ANGPT2: variants seen among roughly 807,000 people sequenced by gnomAD.
The protein encoded by ANGPT2 is angiopoietin-2.
Under a neutral mutation model 62.9 loss-of-function variants are expected in ANGPT2, and 28 were observed. That is an observed-to-expected ratio of 0.44 (90% CI 0.33 to 0.61). The LOEUF (loss-of-function observed/expected upper bound fraction) is 0.61. ANGPT2 is among the 20% of genes least tolerant of loss of function. The pLI is 0.03. For synonymous variants in ANGPT2, 284 were observed against 207.8 expected, an observed-to-expected ratio of 1.37 and a Z score of -3.15; for missense variants, 727 against 594.9, an observed-to-expected ratio of 1.22 and a Z score of -2.31.
chr8:6,539,029 TTG>T (rs34625219), intron 1 of ANGPT2, among the ~76,000 whole-genome samples: 71,123 of 151,358 alleles, frequency 0.47, 18,138 homozygotes, highest in Admixed American at 0.62. Flanking sequence ...AGAGTTGGGC[TTG>T]TGTGTGTGTG....
chr8:6,534,644 A>G (rs972982493), intron 1 of ANGPT2, among the ~76,000 whole-genome samples: 1 of 152,226 alleles, frequency 6.6e-6, no homozygotes, highest in Non-Finnish European at 1.5e-5. Flanking sequence ...AAAAATTTTT[A>G]AAAATTTAAA....
At chr8:6,550,252 T>C (rs950259922) in intron 1 of ANGPT2, among the ~76,000 whole-genome samples, 1 of 152,126 alleles carries the variant, frequency 6.6e-6, no homozygotes, top group African/African-American at 2.4e-5. Context: ...GCGTCACTGA[T>C]GCGCAGCTCA....
At chr8:6,540,426 T>C (rs1821331674) in intron 1 of ANGPT2, among the ~76,000 whole-genome samples, 1 of 152,232 alleles carries the variant, frequency 6.6e-6, no homozygotes, top group Non-Finnish European at 1.5e-5. Context: ...GCATTTCATA[T>C]GCAAAAGGTG....
At chr8:6,506,267 C>G (rs954499359) in intron 8 of ANGPT2, among the ~76,000 whole-genome samples, 1 of 151,904 alleles carries the variant, frequency 6.6e-6, no homozygotes, top group African/African-American at 2.4e-5. Flanking sequence ...GCTGTCCATG[C>G]AAAATGGAGC....
intron 2 of ANGPT2, among the ~76,000 whole-genome samples, chr8:6,530,324 G>A (rs2256628): frequency 0.65 from 98,076 of 151,802 alleles, 32,070 homozygotes; most frequent in Non-Finnish European, 0.7. Context: ...CCTGGCCAAC[G>A]TGGTGAAACC....
Position 6,526,294 on chromosome 8 carries a change from G to C in ANGPT2, c.566+1261C>G, listed in dbSNP as rs545344184. ...AAAAAAAAAAAAAAAAATCAGCTGGGTGTGTGACACATGCCTGTAGTCCCA... is the reference window on the plus strand; with the variant it reads ...AAAAAAAAAAAAAAAAATCAGCTGGCTGTGTGACACATGCCTGTAGTCCCA... On this transcript the variant is annotated intron_variant, in intron 3 of 8. Coordinates refer to ENST00000629816, the MANE Select transcript of ANGPT2 (RefSeq NM_001118887.2). Among the ~76,000 whole-genome samples the C allele has an allele frequency of 6.7e-5, 10 of 148,914 alleles. No homozygotes were observed. The South Asian group carries it at 1.9e-3, about 29-fold the overall frequency.
At chr8:6,533,422 G>A (rs988493845) in intron 1 of ANGPT2, among the ~76,000 whole-genome samples, 2 of 152,152 alleles carry the variant, frequency 1.3e-5, no homozygotes, top group African/African-American at 4.8e-5. Flanking sequence ...CTTGGTTCTA[G>A]GAAAGTTGCT....
chr8:6,532,680 A>G (rs1819753032), intron 1 of ANGPT2, among the ~76,000 whole-genome samples, 193 bp from the exon 2 acceptor site: 1 of 150,312 alleles, frequency 6.7e-6, no homozygotes, highest in Admixed American at 6.6e-5. Context: ...TTTTATTTTT[A>G]TGCAAAATCT....
At position 6,562,879 on chromosome 8, in the gene ANGPT2, T is replaced by C. The variant is rs373814711; in HGVS notation, c.56A>G (p.Tyr19Cys). 8.1e-6 allele frequency: 13 copies of C among 1,610,914 alleles called. No individual in the cohort carries two copies. The highest frequency in any genetic ancestry group is 1.3e-5 in the African/African-American group (1 of 74,800). The change falls in exon 1 of 9, where the codon TAT becomes TGT. Residue 19 changes from tyrosine (Y) to cysteine (C), a missense_variant. Transcript: ENST00000629816. ...GTCCATGCTCTTCCGAAAGTTGTTA[T>C]AGGCTGCGGCCAAGACAAGATCACA... ...LSCDLVLAAA[Y>C]NNFRKSMDSI...
rs1221829620 is a variant in ANGPT2, at chr8:6,501,787, C to A, written c.*1314G>T. 1.3e-5 allele frequency: 2 copies of A among 152,058 alleles called. No individual in the cohort carries two copies. Among genetic ancestry groups the A allele is most frequent in the East Asian group, 1.9e-4 (1 of 5,194 alleles). The allele number at this position is 152,058 out of a possible 1,614,324, so 9.4% of individuals were successfully genotyped here. On this transcript the variant is annotated 3_prime_UTR_variant, in exon 9 of 9. Transcript: ENST00000629816. ...GTCCAGGCTGGTCTTGAACTCCTGA[C>A]CTCAGGTGATCTGCCCACCTTGCCT...
chr8:6,505,348 ATT>A lies in ANGPT2; in HGVS notation c.1328-2089_1328-2088del, dbSNP rs374456661. 8.6e-3 allele frequency among the ~76,000 whole-genome samples: 427 copies of A among 49,774 alleles called. 21 individuals are homozygous for A. Among genetic ancestry groups the A allele is most frequent in the Non-Finnish European group, 0.014 (328 of 23,896 alleles). 32.7% of individuals were successfully genotyped at this position (49,774 alleles called of 152,430 possible). A position where few individuals can be genotyped will look rare whatever the true frequency, so the allele number is the denominator to read the frequency against. On this transcript the variant is annotated intron_variant, in intron 8 of 8. Transcript: ENST00000629816. Reference sequence around the variant, plus strand: ...ATATACATATAGAAAGAATATATATATTCTTTCTATATGTATATAGAATATAT... The same window carrying A: ...ATATACATATAGAAAGAATATATATACTTTCTATATGTATATAGAATATAT...
chr8:6,505,237 A>AT (rs1201732654), intron 8 of ANGPT2, among the ~76,000 whole-genome samples: 81 of 3,746 alleles, frequency 0.022, 15 homozygotes, highest in African/African-American at 0.037. Flanking sequence ...ATGTATATAT[A>AT]GAATATATAT....
intron 1 of ANGPT2, among the ~76,000 whole-genome samples, chr8:6,559,287 GC>G (rs1554453190): frequency 1.7e-4 from 25 of 150,648 alleles, no homozygotes. Flanking sequence ...GCAGGGTGGG[GC>G]TAGCGGGCTG....
rs886500985 is a variant in ANGPT2, at chr8:6,550,993, C to T, written c.288+11654G>A. Among the ~76,000 whole-genome samples, 45 of 152,314 alleles carry T rather than the reference C, an allele frequency of 3.0e-4. 1 individual carries two copies. Among genetic ancestry groups the T allele is most frequent in the African/African-American group, 1.1e-3 (44 of 41,562 alleles). ...GTCCTAATAAACAGTGTCCTTTCTA[C>T]AAGAACCCTGTAGACTTTTGAAACC... is the stretch of plus-strand genomic sequence containing the variant. On this transcript the variant is annotated intron_variant, in intron 1 of 8. Coordinates refer to ENST00000629816, the MANE Select transcript of ANGPT2 (RefSeq NM_001118887.2).
At chr8:6,528,183 C>T (rs886777415) in intron 2 of ANGPT2, among the ~76,000 whole-genome samples, 3 of 152,198 alleles carry the variant, frequency 2.0e-5, no homozygotes, top group Non-Finnish European at 2.9e-5. Flanking sequence ...CAGGCATTAG[C>T]CACTGCACCC....
chr8:6,525,962 G>T (rs1818247461), intron 3 of ANGPT2, among the ~76,000 whole-genome samples: 1 of 152,062 alleles, frequency 6.6e-6, no homozygotes, highest in Non-Finnish European at 1.5e-5. Context: ...AACCCAAGTG[G>T]GGAAACAGTA....
chr8:6,505,312 ATATATATGT>A (rs2129564278), intron 8 of ANGPT2, among the ~76,000 whole-genome samples: 1 of 51,344 alleles, frequency 1.9e-5, no homozygotes, highest in African/African-American at 1.2e-4. Flanking sequence ...TGTATATAAC[ATATATATGT>A]TATATACATA....
intron 1 of ANGPT2, among the ~76,000 whole-genome samples, chr8:6,557,742 G>T (rs1337241570): frequency 6.6e-6 from 1 of 151,560 alleles, no homozygotes; most frequent in African/African-American, 2.4e-5. Context: ...GAGATAGAAT[G>T]GTTTGCCTGC....
At chr8:6,536,367 C>G (rs1820502197) in intron 1 of ANGPT2, among the ~76,000 whole-genome samples, 1 of 151,510 alleles carries the variant, frequency 6.6e-6, no homozygotes, top group Non-Finnish European at 1.5e-5. Flanking sequence ...AAAATGTTAG[C>G]TCAACCCAGA....
Sources: allele counts gnomAD v4.1 joint callset (sites outside exome capture counted in the v4.1 genomes callset), GRCh38; gene constraint gnomAD v4.1.1; transcripts MANE v1.5; gene names NCBI Gene and HGNC (gene_info 2026-07-23, HGNC 2026-07-21).